Variants in AGBL1 observed in about 807,000 individuals in gnomAD.
The protein encoded by AGBL1 is cytosolic carboxypeptidase 4.
Under a neutral mutation model 118.9 loss-of-function variants are expected in AGBL1, and 130 were observed. The observed-to-expected ratio is 1.09, with a 90% CI of 0.95 to 1.26. The LOEUF is 1.26. Ranked by LOEUF, AGBL1 falls within the 50% of genes most tolerant of loss-of-function variation. The pLI, the probability that AGBL1 is intolerant of heterozygous loss-of-function variation, is 0.00. For missense variants in AGBL1, 1,584 were observed against 1,298.1 expected, an observed-to-expected ratio of 1.22 and a Z score of -3.38; for synonymous variants, 555 against 478.9, an observed-to-expected ratio of 1.16 and a Z score of -2.08.
intron 22 of AGBL1, among the ~76,000 whole-genome samples, chr15:86,877,114 A>C: frequency 6.6e-6 from 1 of 152,048 alleles, no homozygotes; most frequent in East Asian, 1.9e-4. Flanking sequence ...TCAATTATCA[A>C]ATTCCAACCT....
chr15:86,961,726 A>G (rs1317486323), intron 23 of AGBL1, among the ~76,000 whole-genome samples: 1 of 152,036 alleles, frequency 6.6e-6, no homozygotes, highest in East Asian at 1.9e-4. Context: ...TGTTTCTCAT[A>G]GACAGGAATG....
At chr15:86,787,769 A>T (rs1210520863) in intron 22 of AGBL1, among the ~76,000 whole-genome samples, 2 of 152,224 alleles carry the variant, frequency 1.3e-5, no homozygotes, top group South Asian at 4.1e-4. Context: ...TTGCTGGGTC[A>T]TATGGATAAT....
chr15:86,339,697 A>G (rs1448644985), intron 17 of AGBL1, among the ~76,000 whole-genome samples: 5 of 152,158 alleles, frequency 3.3e-5, no homozygotes, highest in Non-Finnish European at 1.5e-5. Flanking sequence ...GGCCGGGCGC[A>G]GTGGCTCATG....
At chr15:86,627,994 G>C (rs182056070) in intron 21 of AGBL1, among the ~76,000 whole-genome samples, 2 of 152,326 alleles carry the variant, frequency 1.3e-5, no homozygotes, top group Admixed American at 1.3e-4. Context: ...GGGCTGTTTA[G>C]GAGAGCTGTA....
intron 21 of AGBL1, among the ~76,000 whole-genome samples, chr15:86,645,620 C>T (rs1289391170): frequency 2.6e-5 from 4 of 152,064 alleles, no homozygotes; most frequent in Non-Finnish European, 5.9e-5. Flanking sequence ...TGTTGACTGA[C>T]AGTTGAGAAA....
intron 24 of AGBL1, among the ~76,000 whole-genome samples, chr15:86,994,743 CATTAAAAGG>C (rs140285599): frequency 0.014 from 2,191 of 152,232 alleles, 56 homozygotes; most frequent in African/African-American, 0.05. Flanking sequence ...TTTTATAAGC[CATTAAAAGG>C]CTTTCCAAGG....
chr15:86,365,008 T>TACACACAC (rs1567219535), intron 17 of AGBL1, among the ~76,000 whole-genome samples: 1 of 116,832 alleles, frequency 8.6e-6, no homozygotes, highest in African/African-American at 3.4e-5. Context: ...CATATATATA[T>TACACACAC]ACACACACAT....
chr15:86,579,273 G>A (rs185969593), intron 21 of AGBL1, among the ~76,000 whole-genome samples: 96 of 152,268 alleles, frequency 6.3e-4, no homozygotes, highest in African/African-American at 2.1e-3. Context: ...AATCTCAAAA[G>A]AGGAACTTAA....
At chr15:86,684,282 C>A (rs928605141) in intron 22 of AGBL1, among the ~76,000 whole-genome samples, 1 of 152,090 alleles carries the variant, frequency 6.6e-6, no homozygotes, top group African/African-American at 2.4e-5. Context: ...AACATTTCCA[C>A]ATTTTTACCT....
chr15:86,280,691 A>T (rs2079338138), intron 16 of AGBL1, among the ~76,000 whole-genome samples: 2 of 152,212 alleles, frequency 1.3e-5, no homozygotes, highest in African/African-American at 4.8e-5. Flanking sequence ...TAAGGCTGTG[A>T]TAAGGACTTG....
chr15:86,665,705 T>C (rs539904156), intron 21 of AGBL1, among the ~76,000 whole-genome samples: 9 of 152,248 alleles, frequency 5.9e-5, no homozygotes, highest in African/African-American at 1.2e-4. Context: ...AAAACATTAA[T>C]GTATTCTATT....
intron 21 of AGBL1, among the ~76,000 whole-genome samples, chr15:86,658,638 C>G (rs1195599288): frequency 6.6e-6 from 1 of 152,204 alleles, no homozygotes; most frequent in Non-Finnish European, 1.5e-5. Flanking sequence ...CTGACTCTTA[C>G]TTTGACACAT....
chr15:86,686,350 C>G (rs1026457960), intron 22 of AGBL1, among the ~76,000 whole-genome samples: 4 of 151,812 alleles, frequency 2.6e-5, no homozygotes, highest in African/African-American at 9.7e-5. Flanking sequence ...AAATAGACAC[C>G]AGGGAATTTG....
intron 22 of AGBL1, among the ~76,000 whole-genome samples, chr15:86,750,910 A>T (rs1215936378): frequency 6.6e-6 from 1 of 151,996 alleles, no homozygotes; most frequent in Admixed American, 6.6e-5. Flanking sequence ...CTGTTCCTGC[A>T]TTAGTTTGCC....
intron 5 of AGBL1, among the ~76,000 whole-genome samples, chr15:86,218,489 A>G (rs1273550288): frequency 3.9e-5 from 6 of 152,110 alleles, no homozygotes; most frequent in African/African-American, 1.4e-4. Flanking sequence ...TTATACCTTT[A>G]TGTTATTTCC....
At chr15:86,891,530 C>G (rs577319463) in intron 22 of AGBL1, among the ~76,000 whole-genome samples, 2 of 150,754 alleles carry the variant, frequency 1.3e-5, no homozygotes, top group East Asian at 3.9e-4. Flanking sequence ...CAATGACCCA[C>G]AGATATCCAG....
Position 86,148,325 on chromosome 15 carries a change from C to A in AGBL1, c.262+4480C>A, listed in dbSNP as rs191709898. Among the ~76,000 whole-genome samples the A allele has an allele frequency of 3.9e-4, 59 of 152,230 alleles. 1 individual carries two copies. The East Asian group carries it at 0.011, about 28-fold the overall frequency. ...GCTTCAAAAGGTCGGTAATAACAAACTTTTCTGAGGTAAAGAAGGATGTTC... is the reference window on the plus strand; with the variant it reads ...GCTTCAAAAGGTCGGTAATAACAAAATTTTCTGAGGTAAAGAAGGATGTTC... On this transcript the variant is annotated intron_variant, in intron 3 of 22. Transcript: ENST00000614907.
At chr15:86,440,436 A>C (rs1490367597) in intron 18 of AGBL1, among the ~76,000 whole-genome samples, 1 of 151,576 alleles carries the variant, frequency 6.6e-6, no homozygotes, top group East Asian at 1.9e-4. Flanking sequence ...TCTGTTATCA[A>C]GGGCTAAATT....
At chr15:86,209,988 G>C (rs1051429863) in intron 5 of AGBL1, among the ~76,000 whole-genome samples, 2 of 152,114 alleles carry the variant, frequency 1.3e-5, no homozygotes, top group African/African-American at 4.8e-5. Context: ...CTTCCTTCAG[G>C]AGCTCTTGTA....
Sources: gnomAD v4.1 joint callset for allele counts (sites outside exome capture counted in the v4.1 genomes callset) on GRCh38, gnomAD v4.1.1 for gene constraint, MANE v1.5 for transcripts, NCBI Gene and HGNC (gene_info 2026-07-23, HGNC 2026-07-21) for gene names.